The following COL4A4 variants were observed in gnomAD, a reference collection of about 807,000 sequenced individuals.
The protein encoded by COL4A4 is collagen type IV alpha 4 chain, also known as collagen alpha-4(IV) chain.
In COL4A4, 105 loss-of-function variants were observed where a neutral mutation model predicts 192.9. That is an observed-to-expected ratio of 0.54 (90% CI 0.46 to 0.64). COL4A4 has a LOEUF of 0.64. Ranked by LOEUF, COL4A4 falls within the 30% of genes least tolerant of loss-of-function variation. The pLI is 0.00. For missense variants in COL4A4, 1,967 were observed against 2,169.3 expected (o/e 0.91, Z 1.85); for synonymous variants, 762 against 769.9 (o/e 0.99, Z 0.17).
chr2:227,147,853 T>C (rs1001516631), intron 1 of COL4A4, among the ~76,000 whole-genome samples: 1 of 148,868 alleles, frequency 6.7e-6, no homozygotes, highest in Admixed American at 6.7e-5. Context: ...AAATATAAAA[T>C]ATATTTTTAT....
At chr2:227,151,735 C>G (rs2063963238) in intron 1 of COL4A4, among the ~76,000 whole-genome samples, 1 of 152,144 alleles carries the variant, frequency 6.6e-6, no homozygotes, top group Admixed American at 6.5e-5. Flanking sequence ...TTGAGCCCTC[C>G]AGAATGAGGT....
chr2:227,038,641 T>C (rs914909242), intron 37 of COL4A4, among the ~76,000 whole-genome samples: 5 of 152,234 alleles, frequency 3.3e-5, no homozygotes, highest in Non-Finnish European at 7.3e-5. Flanking sequence ...ATTTTTAGCA[T>C]ATGTTTAAGT....
intron 15 of COL4A4, 42 bp downstream of exon 15, chr2:227,102,747 A>G (rs767347291): frequency 4.5e-5 from 69 of 1,541,686 alleles, no homozygotes; most frequent in Non-Finnish European, 5.9e-5. Flanking sequence ...TGAAAGAGAA[A>G]TATCTCCAAA....
chr2:227,091,470 T>C (rs1053846503), intron 20 of COL4A4, among the ~76,000 whole-genome samples: 6 of 144,132 alleles, frequency 4.2e-5, no homozygotes, highest in East Asian at 4.0e-4. Flanking sequence ...GACAGATAGA[T>C]AGAGTACAGA....
chr2:227,103,294 A>C, intron 13 of COL4A4, 97 bp from the exon 14 acceptor site: 2 of 968,898 alleles, frequency 2.1e-6, no homozygotes, highest in Non-Finnish European at 1.6e-6. Context: ...AATCTGTTTC[A>C]CCTTAAAAAA....
the COL4A4 span, among the ~76,000 whole-genome samples, chr2:226,967,384 T>A: frequency 3.3e-5 from 5 of 152,300 alleles, no homozygotes; most frequent in Non-Finnish European, 1.5e-5. Context: ...CTTTTTTTCT[T>A]TATTTTATTA....
intron 41 of COL4A4, among the ~76,000 whole-genome samples, chr2:227,028,780 C>A (rs890643946): frequency 6.6e-6 from 1 of 151,772 alleles, no homozygotes; most frequent in Admixed American, 6.6e-5. Context: ...CTCAGCCTCC[C>A]GAGTAGCTGG....
chr2:227,101,853 A>T lies in COL4A4; in HGVS notation c.975+12T>A. On this transcript the variant is annotated intron_variant, in intron 16 of 47. Coordinates refer to ENST00000396625, the MANE Select transcript of COL4A4 (RefSeq NM_000092.5). ...AAATGTATTTATTATCTCTATAATG[A>T]GGTACATTTACCTTTAATCCTGGAA... 1 of 1,561,868 alleles carries T rather than the reference A, an allele frequency of 6.4e-7. No homozygotes were observed. Among genetic ancestry groups the T allele is most frequent in the Non-Finnish European group, 8.8e-7 (1 of 1,140,410 alleles).
Position 227,030,496 on chromosome 2 carries a change from C to G in COL4A4, c.3920G>C (p.Gly1307Ala). 1 of 1,614,140 alleles carries G rather than the reference C, an allele frequency of 6.2e-7. No homozygotes were observed. The highest frequency in any genetic ancestry group is 8.5e-7 in the Non-Finnish European group (1 of 1,180,022). The change falls in exon 41 of 48, where the codon GGC (glycine) becomes GCC (alanine). Residue 1307 changes from glycine (G) to alanine (A), a missense_variant. Coordinates refer to ENST00000396625, the MANE Select transcript of COL4A4 (RefSeq NM_000092.5). Reference sequence around the variant, plus strand: ...TGGAAAGCCTTTGTATCCTGGAGGGCCTGGTGGGCCAGGGGGACCTGGTGG... The same window carrying G: ...TGGAAAGCCTTTGTATCCTGGAGGGGCTGGTGGGCCAGGGGGACCTGGTGG... ...PGPPGPPGPP[G>A]PPGYKGFPGC... is the part of the protein sequence containing the mutation.
At chr2:226,999,050 G>A (rs1381487593), downstream of COL4A4, 2 of 152,238 alleles carry the variant, frequency 1.3e-5, no homozygotes, top group African/African-American at 4.8e-5. Flanking sequence ...ATACCACTTG[G>A]AATTGCTGGT....
intron 34 of COL4A4, among the ~76,000 whole-genome samples, chr2:227,048,823 A>G (rs10198406): frequency 0.52 from 78,851 of 152,020 alleles, 20,650 homozygotes; most frequent in South Asian, 0.63. Context: ...TCTGAACCCC[A>G]AAGTTATAAA....
intron 28 of COL4A4, among the ~76,000 whole-genome samples, chr2:227,058,555 G>C (rs1226892028): frequency 1.3e-5 from 2 of 152,056 alleles, no homozygotes; most frequent in Non-Finnish European, 2.9e-5. Context: ...TCCTCCACGT[G>C]TCCTGTGCTA....
chr2:227,043,970 A>T (rs1007795149), intron 35 of COL4A4, among the ~76,000 whole-genome samples: 3 of 152,234 alleles, frequency 2.0e-5, no homozygotes, highest in Non-Finnish European at 4.4e-5. Flanking sequence ...AGAATCACCC[A>T]TAACATCTAA....
intron 5 of COL4A4, chr2:227,120,682 A>G: frequency 3.3e-6 from 1 of 302,700 alleles, no homozygotes; most frequent in Non-Finnish European, 6.4e-6. Flanking sequence ...CAACGCCTGT[A>G]ATTACAGCAT....
downstream of COL4A4, among the ~76,000 whole-genome samples, chr2:227,000,792 G>A (rs1960738019): frequency 6.6e-6 from 1 of 151,884 alleles, no homozygotes; most frequent in Non-Finnish European, 1.5e-5. Context: ...CTCGGTGGGA[G>A]GTCTCATGGA....
chr2:227,073,864 C>A (rs1005738603), intron 25 of COL4A4, among the ~76,000 whole-genome samples: 4 of 151,756 alleles, frequency 2.6e-5, no homozygotes, highest in African/African-American at 7.3e-5. Context: ...AGAATAAAAC[C>A]GGATTCCTAT....
At chr2:227,141,900 GGGC>G (rs1203300019) in intron 3 of COL4A4, among the ~76,000 whole-genome samples, 2 of 151,994 alleles carry the variant, frequency 1.3e-5, no homozygotes, top group Admixed American at 1.3e-4. Flanking sequence ...ATTTAAGGTT[GGGC>G]TTCATTACTA....
intron 41 of COL4A4, 47 bp downstream of exon 41, chr2:227,030,396 A>G (rs776579047): frequency 1.2e-6 from 2 of 1,602,436 alleles, no homozygotes; most frequent in Non-Finnish European, 1.7e-6. Context: ...CTCAAGGGTA[A>G]GATAACCAAG....
intron 4 of COL4A4, among the ~76,000 whole-genome samples, chr2:227,131,745 G>T (rs975845745): frequency 6.6e-6 from 1 of 152,210 alleles, no homozygotes; most frequent in Non-Finnish European, 1.5e-5. Flanking sequence ...GGGTGATTTA[G>T]GTGGGCCCTA....
Sources: allele counts gnomAD v4.1 joint callset (sites outside exome capture counted in the v4.1 genomes callset), GRCh38; gene constraint gnomAD v4.1.1; transcripts MANE v1.5; gene names NCBI Gene and HGNC (gene_info 2026-07-23, HGNC 2026-07-21).